Variants in CEACAM5 observed in about 807,000 individuals in gnomAD.
CEACAM5 encodes the protein CEA cell adhesion molecule 5, also known as cell adhesion molecule CEACAM5.
In CEACAM5, 52 loss-of-function variants were observed where a neutral mutation model predicts 63.0. That is an observed-to-expected ratio of 0.83 (90% confidence interval 0.66 to 1.04). The LOEUF (loss-of-function observed/expected upper bound fraction) is 1.04, where lower values mean the gene tolerates loss of function less well. Ranked by LOEUF, CEACAM5 falls within the 50% of genes least tolerant of loss-of-function variation. The pLI, the probability that CEACAM5 is intolerant of heterozygous loss-of-function variation, is 0.00. For missense variants in CEACAM5, 790 were observed against 864.8 expected, an observed-to-expected ratio of 0.91 and a Z score of 1.08; for synonymous variants, 357 against 351.3, an observed-to-expected ratio of 1.02 and a Z score of -0.18.
rs937790512 is a variant in CEACAM5 at position 41,730,147 on chromosome 19, G to A, written c.*1000G>A. Among the ~76,000 whole-genome samples, 2 of 152,154 alleles carry A rather than the reference G, an allele frequency of 1.3e-5. No individual in the cohort carries two copies. Among genetic ancestry groups the A allele is most frequent in the African/African-American group, 2.4e-5 (1 of 41,436 alleles). On this transcript the variant is annotated 3_prime_UTR_variant, in exon 10 of 10. Coordinates refer to ENST00000221992, the MANE Select transcript of CEACAM5 (RefSeq NM_004363.6). ...TTAAAAAAGTCTGTGTGGGCCGGGC[G>A]CGGTGGCTCACGCCTGTAATCCCAG... is the stretch of plus-strand genomic sequence containing the variant.
At chr19:41,712,056 A>C (rs782492883) in intron 2 of CEACAM5, among the ~76,000 whole-genome samples, 44 of 152,072 alleles carry the variant, frequency 2.9e-4, no homozygotes, top group Non-Finnish European at 6.2e-4. Flanking sequence ...AGGCAGCAGG[A>C]CGGGAATGAG....
At chr19:41,717,320 C>A in intron 4 of CEACAM5, 135 bp from the exon 5 acceptor site, 1 of 929,192 alleles carries the variant, frequency 1.1e-6, no homozygotes, top group Non-Finnish European at 1.7e-6. Flanking sequence ...TGTCTTGTGA[C>A]GCACACACAC....
At chr19:41,728,704 T>C (rs2072731962) in intron 9 of CEACAM5, among the ~76,000 whole-genome samples, 1 of 144,738 alleles carries the variant, frequency 6.9e-6, no homozygotes, top group African/African-American at 2.6e-5. Flanking sequence ...GGAGAATCGC[T>C]TGAACCCGGG....
At position 41,718,186 on chromosome 19, in the gene CEACAM5, C is replaced by A; in HGVS notation, c.1296C>A (p.Asn432Lys). 2 of 1,614,228 alleles carry A rather than the reference C, an allele frequency of 1.2e-6. No individual in the cohort carries two copies. Among genetic ancestry groups the A allele is most frequent in the Non-Finnish European group, 1.7e-6 (2 of 1,180,042 alleles). The part of the protein sequence containing the change: ...PSYTYYRPGV[N>K]LSLSCHAASN... ...ACACCTATTACCGTCCAGGGGTGAACCTCAGCCTCTCCTGCCATGCAGCCT... is the reference window on the plus strand; with the variant it reads ...ACACCTATTACCGTCCAGGGGTGAAACTCAGCCTCTCCTGCCATGCAGCCT... The change falls in exon 6 of 10, where the codon AAC (asparagine) becomes AAA (lysine). Residue 432 changes from asparagine to lysine, a missense_variant. By Grantham distance (94) the Asn-to-Lys change is moderately conservative (BLOSUM62 0). Coordinates refer to ENST00000221992, the MANE Select transcript of CEACAM5 (RefSeq NM_004363.6).
At chr19:41,708,850 G>A in intron 1 of CEACAM5, 55 bp downstream of exon 1, 2 of 1,417,920 alleles carry the variant, frequency 1.4e-6, no homozygotes, top group Non-Finnish European at 2.0e-6. Flanking sequence ...GGTCTCCTGG[G>A]TAGGACAGGG....
intron 4 of CEACAM5, 115 bp downstream of exon 4, chr19:41,716,019 A>T (rs1370132663): frequency 8.3e-7 from 1 of 1,201,058 alleles, no homozygotes; most frequent in East Asian, 2.3e-5. Context: ...GGCACAAGCA[A>T]ATCCCAGATT....
Position 41,718,254 on chromosome 19 carries a change from T to G in CEACAM5, c.1364T>G (p.Ile455Ser). The part of the protein sequence containing the change: ...AQYSWLIDGN[I>S]QQHTQELFIS... ...TATTCTTGGCTGATTGATGGGAACA[T>G]CCAGCAACACACACAAGAGCTCTTT... is the stretch of plus-strand genomic sequence containing the variant. Residue 455 changes from isoleucine (I) to serine (S), a missense_variant, in exon 6 of 10, where the codon ATC becomes AGC. Coordinates refer to ENST00000221992, the MANE Select transcript of CEACAM5 (RefSeq NM_004363.6). 4.3e-6 allele frequency: 7 copies of G among 1,614,148 alleles called. No individual in the cohort carries two copies. The highest frequency in any genetic ancestry group is 5.9e-6 in the Non-Finnish European group (7 of 1,180,032).
At chr19:41,718,076 T>G in intron 5 of CEACAM5, 52 bp from the exon 6 acceptor site, 2 of 1,599,558 alleles carry the variant, frequency 1.3e-6, no homozygotes, top group Non-Finnish European at 1.7e-6. Flanking sequence ...GACCAGGAGC[T>G]TCCCCTTTGC....
chr19:41,716,493 A>G (rs1555815090), intron 4 of CEACAM5, among the ~76,000 whole-genome samples: 1 of 152,182 alleles, frequency 6.6e-6, no homozygotes, highest in Non-Finnish European at 1.5e-5. Flanking sequence ...CAAGCTGCCA[A>G]TCAACACCAA....
At chr19:41,718,484 A>G (rs531083303) in intron 6 of CEACAM5, 102 bp downstream of exon 6, 21 of 1,259,884 alleles carry the variant, frequency 1.7e-5, no homozygotes, top group South Asian at 1.5e-4. Context: ...TATGCATCCA[A>G]TGGGCACAAG....
rs1194445934 is a variant in CEACAM5, at chr19:41,719,925, C to T, written c.1493-5C>T. On this transcript the variant is annotated splice_region_variant and splice_polypyrimidine_tract_variant and intron_variant, in intron 6 of 9. Transcript: ENST00000221992. ...AGGGCAATCTTCTCTCTGTTATCTG[C>T]ACAGCGGAGCTGCCCAAGCCCTCCA... is the stretch of plus-strand genomic sequence containing the variant. The T allele has an allele frequency of 6.2e-7, 1 of 1,614,168 alleles. No homozygotes were observed. The highest frequency in any genetic ancestry group is 8.5e-7 in the Non-Finnish European group (1 of 1,180,018).
chr19:41,712,308 T>C (rs186373433), intron 2 of CEACAM5, among the ~76,000 whole-genome samples: 4 of 152,354 alleles, frequency 2.6e-5, no homozygotes, highest in African/African-American at 9.6e-5. Flanking sequence ...CTCATGATGA[T>C]GCCATTGTCA....
At chr19:41,717,921 C>T (rs530314610) in intron 5 of CEACAM5, among the ~76,000 whole-genome samples, 188 bp downstream of exon 5, 1 of 152,278 alleles carries the variant, frequency 6.6e-6, no homozygotes, top group Non-Finnish European at 1.5e-5. Flanking sequence ...AGGGTCTGCT[C>T]CTGTCCTGTA....
rs201974869 is a variant in CEACAM5, at chr19:41,718,055, G to A, written c.1238-73G>A. On this transcript the variant is annotated intron_variant, in intron 5 of 9. Transcript: ENST00000221992. Reference sequence around the variant, plus strand: ...TGACTTGGCTCAGGGGGACACTGTTGCCCTTTCACAGACCAGGAGCTTCCC... The same window carrying A: ...TGACTTGGCTCAGGGGGACACTGTTACCCTTTCACAGACCAGGAGCTTCCC... The A allele has an allele frequency of 2.9e-4, 447 of 1,562,682 alleles. 1 individual carries two copies. The highest frequency in any genetic ancestry group is 4.5e-4 in the Admixed American group (26 of 57,536).
At chr19:41,712,912 A>T (rs1040183243) in intron 2 of CEACAM5, among the ~76,000 whole-genome samples, 3 of 152,234 alleles carry the variant, frequency 2.0e-5, no homozygotes, top group African/African-American at 7.2e-5. Context: ...TTAAGGGCAA[A>T]TTATAGTACT....
At chr19:41,727,435 T>C in intron 9 of CEACAM5, 83 bp downstream of exon 9, 1 of 737,246 alleles carries the variant, frequency 1.4e-6, no homozygotes, top group Non-Finnish European at 2.4e-6. Flanking sequence ...TTTCTTCACC[T>C]GTATCTGGGA....
chr19:41,725,392 G>T (rs1365969092), intron 8 of CEACAM5, among the ~76,000 whole-genome samples: 2 of 148,784 alleles, frequency 1.3e-5, no homozygotes, highest in Non-Finnish European at 3.0e-5. Flanking sequence ...AAGAGACAGG[G>T]TCTCACTCTG....
At position 41,719,963 on chromosome 19, in the gene CEACAM5, A is replaced by G; in HGVS notation, c.1526A>G (p.Asn509Ser). ...CCCAAGCCCTCCATCTCCAGCAACA[A>G]CTCCAAACCCGTGGAGGACAAGGAT... ...ELPKPSISSN[N>S]SKPVEDKDAV... Residue 509 changes from asparagine to serine, a missense_variant, in exon 7 of 10, where the codon AAC (asparagine) becomes AGC (serine). Physicochemically the swap from Asn to Ser is conservative, Grantham distance 46. Transcript: ENST00000221992. 6.2e-7 allele frequency: 1 copy of G among 1,613,946 alleles called. No individual in the cohort carries two copies. Among genetic ancestry groups the G allele is most frequent in the Non-Finnish European group, 8.5e-7 (1 of 1,179,982 alleles).
chr19:41,709,095 C>T (rs551460723), intron 1 of CEACAM5, among the ~76,000 whole-genome samples: 5 of 152,376 alleles, frequency 3.3e-5, no homozygotes, highest in African/African-American at 1.2e-4. Flanking sequence ...AAACACTGTC[C>T]TCATCCGCCT....
Sources: gnomAD v4.1 joint callset for allele counts (sites outside exome capture counted in the v4.1 genomes callset) on GRCh38, gnomAD v4.1.1 for gene constraint, MANE v1.5 for transcripts, NCBI Gene and HGNC (gene_info 2026-07-23, HGNC 2026-07-21) for gene names.